The following TMEM135 variants were observed in gnomAD, a reference collection of about 807,000 sequenced individuals.
The protein encoded by TMEM135 is transmembrane protein 135.
Under a neutral mutation model 60.3 loss-of-function variants are expected in TMEM135, and 30 were observed. The observed-to-expected ratio is 0.50, with a 90% CI of 0.37 to 0.68. The LOEUF (loss-of-function observed/expected upper bound fraction) is 0.68. TMEM135 is among the 30% of genes least tolerant of loss of function. The pLI is 0.00. For missense variants in TMEM135, 468 were observed against 548.8 expected (o/e 0.85, Z 1.47); for synonymous variants, 190 against 186.7 (o/e 1.02, Z -0.14).
intron 4 of TMEM135, among the ~76,000 whole-genome samples, chr11:87,153,712 G>A (rs1938617422): frequency 6.6e-6 from 1 of 152,048 alleles, no homozygotes; most frequent in Non-Finnish European, 1.5e-5. Context: ...AAAAATAAGG[G>A]CATTGTCAAA....
At position 87,161,279 on chromosome 11, in the gene TMEM135, G is replaced by A. The variant is rs146707395; in HGVS notation, c.462+3873G>A. ...CATTAAAATTAATGAATGAACTGCA[G>A]ATTCAATAATCAGTAGTTATTGAAT... On this transcript the variant is annotated intron_variant, in intron 5 of 14. Transcript: ENST00000305494. Among the ~76,000 whole-genome samples, 771 of 152,150 alleles carry A rather than the reference G, an allele frequency of 5.1e-3. 3 individuals are homozygous for A. The highest frequency in any genetic ancestry group is 7.9e-3 in the Non-Finnish European group (539 of 68,002).
intron 6 of TMEM135, among the ~76,000 whole-genome samples, chr11:87,240,398 C>T (rs913848695): frequency 2.0e-5 from 3 of 151,880 alleles, no homozygotes; most frequent in African/African-American, 7.3e-5. Context: ...TATTTAAAAA[C>T]TTTTTAGAAA....
intron 1 of TMEM135, among the ~76,000 whole-genome samples, chr11:87,064,654 G>A (rs534286600): frequency 9.2e-5 from 14 of 152,292 alleles, no homozygotes; most frequent in Non-Finnish European, 1.5e-4. Context: ...AGGCCGAGGT[G>A]GGCGGATCGC....
chr11:87,182,441 C>A (rs537202335), intron 5 of TMEM135, among the ~76,000 whole-genome samples: 2 of 151,992 alleles, frequency 1.3e-5, no homozygotes, highest in African/African-American at 4.8e-5. Context: ...ATGGTAGCAC[C>A]TTGACTAAGG....
chr11:87,135,050 CT>C (rs1282458338), intron 4 of TMEM135, among the ~76,000 whole-genome samples: 2 of 152,058 alleles, frequency 1.3e-5, no homozygotes, highest in Admixed American at 1.3e-4. Context: ...AGTGAACTGT[CT>C]TTTCAAAACT....
At position 87,187,912 on chromosome 11, in the gene TMEM135, A is replaced by G. The variant is rs529817460; in HGVS notation, c.462+30506A>G. ...GGCTGTTTATTTGCCAGTCTTTCAA[A>G]ATTAAATCTTCTTAGACTATATTAT... On this transcript the variant is annotated intron_variant, in intron 5 of 14. Coordinates refer to ENST00000305494, the MANE Select transcript of TMEM135 (RefSeq NM_022918.4). 1.2e-4 allele frequency among the ~76,000 whole-genome samples: 18 copies of G among 152,316 alleles called. No individual in the cohort carries two copies. In the South Asian group the frequency reaches 3.7e-3, roughly 32 times the overall value.
chr11:87,143,989 C>A (rs946015985), intron 4 of TMEM135, among the ~76,000 whole-genome samples: 1 of 152,044 alleles, frequency 6.6e-6, no homozygotes, highest in African/African-American at 2.4e-5. Context: ...GTTTTAAATA[C>A]TTTTGTCCAG....
chr11:87,141,337 G>A (rs1037829816), intron 4 of TMEM135, among the ~76,000 whole-genome samples: 2 of 151,716 alleles, frequency 1.3e-5, no homozygotes, highest in Non-Finnish European at 2.9e-5. Flanking sequence ...TAATATATTT[G>A]TATTCTAATG....
chr11:87,145,896 T>C lies in TMEM135; in HGVS notation c.397-11445T>C, dbSNP rs140343910. On this transcript the variant is annotated intron_variant, in intron 4 of 14. Transcript: ENST00000305494. ...ATCCATGGGTTGTCTCTCTACTCCG[T>C]TGTTTTCTTTGCTATGCAGAAGCTT... is the stretch of plus-strand genomic sequence containing the variant. 2.6e-3 allele frequency among the ~76,000 whole-genome samples: 402 copies of C among 152,356 alleles called. 1 individual carries two copies. Among genetic ancestry groups the C allele is most frequent in the African/African-American group, 8.8e-3 (364 of 41,596 alleles).
chr11:87,252,001 TG>T (rs1941427944), intron 6 of TMEM135, among the ~76,000 whole-genome samples: 1 of 152,036 alleles, frequency 6.6e-6, no homozygotes, highest in African/African-American at 2.4e-5. Flanking sequence ...GTAGGTGGGT[TG>T]GGGTAGTGGA....
At chr11:87,069,628 C>T (rs918526248) in intron 2 of TMEM135, among the ~76,000 whole-genome samples, 1 of 152,146 alleles carries the variant, frequency 6.6e-6, no homozygotes, top group Non-Finnish European at 1.5e-5. Flanking sequence ...TGGACATCTA[C>T]GTTAACGTGT....
chr11:87,199,942 AT>A (rs1940057091), intron 5 of TMEM135, among the ~76,000 whole-genome samples: 1 of 152,108 alleles, frequency 6.6e-6, no homozygotes, highest in South Asian at 2.1e-4. Flanking sequence ...AAATAAATAA[AT>A]ACATAACTTG....
chr11:87,305,804 T>TAAAGAAAGAAAGAAAGAAAGAAAG (rs1554987162), intron 8 of TMEM135, 132 bp from the exon 9 acceptor site: 1 of 412,396 alleles, frequency 2.4e-6, no homozygotes, highest in African/African-American at 2.1e-5. Context: ...AATAAATAAA[T>TAAAGAAAGAAAGAAAGAAAGAAAG]AAAGTGATGT....
intron 4 of TMEM135, among the ~76,000 whole-genome samples, chr11:87,122,470 AT>A (rs763599061): frequency 2.0e-3 from 286 of 144,968 alleles, no homozygotes; most frequent in Non-Finnish European, 3.5e-3. Flanking sequence ...TTTATTATTT[AT>A]TTTTTTTGAG....
chr11:87,238,566 T>C (rs531085688), intron 6 of TMEM135, among the ~76,000 whole-genome samples: 1 of 152,162 alleles, frequency 6.6e-6, no homozygotes, highest in East Asian at 1.9e-4. Flanking sequence ...TTTTACTGTA[T>C]CTGCATATGC....
intron 6 of TMEM135, among the ~76,000 whole-genome samples, chr11:87,242,274 T>C (rs187423448): frequency 0.024 from 3,620 of 151,998 alleles, 118 homozygotes; most frequent in East Asian, 0.11. Context: ...GGGTTGGTTC[T>C]AAGTCTTTGC....
At chr11:87,089,948 T>G (rs2512383) in intron 3 of TMEM135, among the ~76,000 whole-genome samples, 61,637 of 151,912 alleles carry the variant, frequency 0.41, 13,611 homozygotes, top group East Asian at 0.65. Context: ...AGTTCAGGAG[T>G]ACATGTGTAG....
In TMEM135 at chr11:87,181,059, C is replaced by T. The variant is rs116455707; in HGVS notation, c.462+23653C>T. Among the ~76,000 whole-genome samples, 780 of 152,250 alleles carry T rather than the reference C, an allele frequency of 5.1e-3. 4 individuals are homozygous for T. Among genetic ancestry groups the T allele is most frequent in the African/African-American group, 0.018 (756 of 41,552 alleles). Reference sequence around the variant, plus strand: ...TATTATAACTCTGTCCTGTTGAAGTCAGAGCAAACACTTTTGAAGTGAACA... The same window carrying T: ...TATTATAACTCTGTCCTGTTGAAGTTAGAGCAAACACTTTTGAAGTGAACA... On this transcript the variant is annotated intron_variant, in intron 5 of 14. Coordinates refer to ENST00000305494, the MANE Select transcript of TMEM135 (RefSeq NM_022918.4).
chr11:87,094,488 T>C (rs1466732132), intron 4 of TMEM135, among the ~76,000 whole-genome samples: 1 of 152,186 alleles, frequency 6.6e-6, no homozygotes, highest in African/African-American at 2.4e-5. Flanking sequence ...TCTTCTCCCC[T>C]TTTTTCAATA....
Sources: allele counts gnomAD v4.1 joint callset (sites outside exome capture counted in the v4.1 genomes callset), GRCh38; gene constraint gnomAD v4.1.1; transcripts MANE v1.5; gene names NCBI Gene and HGNC (gene_info 2026-07-23, HGNC 2026-07-21).